Variants in CASR observed in about 807,000 individuals in gnomAD.
The protein encoded by CASR is calcium sensing receptor, also known as extracellular calcium-sensing receptor.
In CASR, 23 loss-of-function variants were observed where a neutral mutation model predicts 69.1. The observed-to-expected ratio is 0.33, with a 90% CI of 0.24 to 0.47. The LOEUF (loss-of-function observed/expected upper bound fraction) is 0.47. Ranked by LOEUF, CASR falls within the 20% of genes least tolerant of loss-of-function variation. The probability of loss-of-function intolerance (pLI) is 1.00; values close to 1 mark genes in which losing one functional copy is unlikely to be tolerated. For synonymous variants in CASR, 541 were observed against 544.7 expected (o/e 0.99, Z 0.10); for missense variants, 924 against 1,356.1 (o/e 0.68, Z 5.00).
chr3:122,240,980 G>C (rs1263982756), intron 1 of CASR, among the ~76,000 whole-genome samples: 1 of 151,928 alleles, frequency 6.6e-6, no homozygotes, highest in African/African-American at 2.4e-5. Context: ...ATCTCTTGAA[G>C]CAAATGATAA....
intron 1 of CASR, among the ~76,000 whole-genome samples, chr3:122,232,358 C>T (rs774725462): frequency 6.6e-6 from 1 of 152,096 alleles, no homozygotes; most frequent in Non-Finnish European, 1.5e-5. Context: ...GCCTGGAGAA[C>T]CAGGAGGGGC....
rs181204296 is a variant in CASR, at chr3:122,227,170, G to A, written c.-242-26778G>A. Among the ~76,000 whole-genome samples the A allele has an allele frequency of 2.0e-3, 303 of 152,380 alleles. 1 individual carries two copies. Among genetic ancestry groups the A allele is most frequent in the Non-Finnish European group, 3.3e-3 (226 of 68,038 alleles). On this transcript the variant is annotated intron_variant, in intron 1 of 6. Transcript: ENST00000639785. ...CTCCTCACCCAGTGGATCCCGCACC[G>A]GGACCACAGGTGGAGCTGCCTGCCA...
chr3:122,247,594 A>T (rs758422961), intron 1 of CASR: 2 of 152,218 alleles, frequency 1.3e-5, no homozygotes, highest in African/African-American at 4.8e-5. Context: ...CCTGTGGGCT[A>T]TGTCGCCAGC....
chr3:122,229,601 C>T (rs1199110567), intron 1 of CASR, among the ~76,000 whole-genome samples: 1 of 150,946 alleles, frequency 6.6e-6, no homozygotes, highest in Non-Finnish European at 1.5e-5. Context: ...GTGGCTGACA[C>T]CTGTAATCCC....
At chr3:122,215,323 C>G (rs1263802731) in intron 1 of CASR, among the ~76,000 whole-genome samples, 2 of 152,194 alleles carry the variant, frequency 1.3e-5, no homozygotes, top group African/African-American at 4.8e-5. Context: ...CATGATGCTT[C>G]CACGTCGCTC....
At chr3:122,246,575 T>C (rs546957746) in intron 1 of CASR, 1 of 152,338 alleles carries the variant, frequency 6.6e-6, no homozygotes, top group Admixed American at 6.5e-5. Flanking sequence ...AGAATTTCCA[T>C]GTGCTTAGAA....
At chr3:122,255,938 A>C (rs1316065810) in intron 2 of CASR, among the ~76,000 whole-genome samples, 1 of 152,202 alleles carries the variant, frequency 6.6e-6, no homozygotes, top group Non-Finnish European at 1.5e-5. Flanking sequence ...TCCTCTAGAC[A>C]CAAATACACT....
chr3:122,259,923 T>A (rs2074600811), intron 3 of CASR, among the ~76,000 whole-genome samples: 1 of 152,200 alleles, frequency 6.6e-6, no homozygotes, highest in South Asian at 2.1e-4. Flanking sequence ...AAAAAGGCAT[T>A]CTCCCAAATA....
intron 1 of CASR, among the ~76,000 whole-genome samples, chr3:122,204,615 G>A (rs1176400261): frequency 2.0e-5 from 3 of 152,048 alleles, no homozygotes; most frequent in Non-Finnish European, 4.4e-5. Context: ...TAGATCATAT[G>A]GTAGTTCTAT....
chr3:122,261,310 C>T (rs35605342), intron 3 of CASR, among the ~76,000 whole-genome samples: 14 of 152,336 alleles, frequency 9.2e-5, no homozygotes, highest in Admixed American at 9.1e-4. Flanking sequence ...AATTGGGATG[C>T]TCCCTCAAAG....
intron 4 of CASR, 28 bp downstream of exon 4, chr3:122,262,440 G>A: frequency 1.2e-6 from 2 of 1,602,876 alleles, no homozygotes; most frequent in Non-Finnish European, 1.7e-6. Context: ...ATAGCAATTT[G>A]CTGTATAATA....
chr3:122,254,957 T>TC (rs1392164493), intron 2 of CASR, among the ~76,000 whole-genome samples: 1 of 117,476 alleles, frequency 8.5e-6, no homozygotes, highest in Non-Finnish European at 1.8e-5. Flanking sequence ...CTTGCCACCC[T>TC]CCCCACCCCC....
intron 6 of CASR, 33 bp downstream of exon 6, chr3:122,282,269 C>A (rs200118008): frequency 1.2e-6 from 2 of 1,611,456 alleles, no homozygotes; most frequent in Non-Finnish European, 1.7e-6. Context: ...CTGTGCAGGG[C>A]TTGGTCCACT....
intron 4 of CASR, 84 bp from the exon 5 acceptor site, chr3:122,275,728 A>G (rs955231038): frequency 1.7e-4 from 149 of 887,500 alleles, no homozygotes; most frequent in Admixed American, 1.0e-4. Flanking sequence ...AAGATAGTCT[A>G]CCGTTGTTGT....
intron 1 of CASR, among the ~76,000 whole-genome samples, chr3:122,231,563 A>G (rs551335602): frequency 1.3e-5 from 2 of 152,356 alleles, no homozygotes; most frequent in East Asian, 1.9e-4. Flanking sequence ...AGGTTACTAA[A>G]TGGGGAATAA....
rs1054515210 is a variant in CASR at position 122,287,370 on chromosome 3, T to C, written c.*2179T>C. 1.7e-4 allele frequency: 26 copies of C among 152,338 alleles called. No individual in the cohort carries two copies. The highest frequency in any genetic ancestry group is 6.3e-4 in the African/African-American group (26 of 41,584). The allele number at this position is 152,338 out of a possible 1,614,324, so 9.4% of individuals were successfully genotyped here. A position where few individuals can be genotyped will look rare whatever the true frequency, so the allele number is the denominator to read the frequency against. ...GATACAGAAACACTGTCCCAATTTA[T>C]ACGTAGCAGGCACAACTCAGCACAA... On this transcript the variant is annotated 3_prime_UTR_variant, in exon 7 of 7. Coordinates refer to ENST00000639785, the MANE Select transcript of CASR (RefSeq NM_000388.4).
In CASR at chr3:122,290,969, A is replaced by G. The variant is rs2075007936; in HGVS notation, c.*5778A>G. ...TGTTCGATTCCCACCTATGAGTGAGAATACGTGGTGTTTGGTTTTTTGTCC... is the reference window on the plus strand; with the variant it reads ...TGTTCGATTCCCACCTATGAGTGAGGATACGTGGTGTTTGGTTTTTTGTCC... On this transcript the variant is annotated 3_prime_UTR_variant, in exon 7 of 7. Coordinates refer to ENST00000639785, the MANE Select transcript of CASR (RefSeq NM_000388.4). 6.7e-6 allele frequency: 1 copy of G among 149,722 alleles called. No individual in the cohort carries two copies. Among genetic ancestry groups the G allele is most frequent in the Admixed American group, 6.7e-5 (1 of 14,928 alleles). 9.3% of individuals were successfully genotyped at this position (149,722 alleles called of 1,614,324 possible).
intron 1 of CASR, among the ~76,000 whole-genome samples, chr3:122,251,275 C>T (rs1373413676): frequency 3.3e-5 from 5 of 152,108 alleles, no homozygotes; most frequent in African/African-American, 9.7e-5. Flanking sequence ...GTGTGATGAA[C>T]CTTCCAAGAG....
intron 1 of CASR, among the ~76,000 whole-genome samples, chr3:122,242,533 C>CA (rs961870000): frequency 6.6e-6 from 1 of 151,772 alleles, no homozygotes; most frequent in Non-Finnish European, 1.5e-5. Flanking sequence ...GCAGAGGACA[C>CA]AAAAAAGGAA....
Sources: allele counts gnomAD v4.1 joint callset (sites outside exome capture counted in the v4.1 genomes callset), GRCh38; gene constraint gnomAD v4.1.1; transcripts MANE v1.5; gene names NCBI Gene and HGNC (gene_info 2026-07-23, HGNC 2026-07-21).